The following CNNM4 variants were observed in gnomAD, a reference collection of about 807,000 sequenced individuals.
CNNM4 encodes the protein cyclin and CBS domain divalent metal cation transport mediator 4, also known as metal transporter CNNM4.
A neutral mutation model predicts 53.7 loss-of-function variants in CNNM4; 32 were observed. That is an observed-to-expected ratio of 0.60 (90% CI 0.45 to 0.80). The LOEUF (loss-of-function observed/expected upper bound fraction) is 0.80, where lower values mean the gene tolerates loss of function less well. CNNM4 is among the 30% of genes least tolerant of loss of function. The pLI is 0.00. For missense variants in CNNM4, 784 were observed against 1,022.0 expected, an observed-to-expected ratio of 0.77 and a Z score of 3.17; for synonymous variants, 410 against 440.0, an observed-to-expected ratio of 0.93 and a Z score of 0.85.
intron 5 of CNNM4, among the ~76,000 whole-genome samples, chr2:96,802,448 T>C (rs1375849346): frequency 8.5e-5 from 13 of 152,242 alleles, no homozygotes; most frequent in African/African-American, 2.2e-4. Flanking sequence ...GACTTTCCGA[T>C]TTTCTTCACA....
rs767548232 is a variant in CNNM4 at position 96,809,421 on chromosome 2, C to A, written c.2232C>A (p.Ala744=). The A allele has an allele frequency of 6.2e-7, 1 of 1,614,174 alleles. No homozygotes were observed. ...GCACCACCCACATGGAGAACTTGGC[C>A]GAGAAGTCTGAGCTGCCTGTGGTGG... The part of the protein sequence containing the change: ...DGCTTHMENL[A]EKSELPVVDE... Residue 744 remains alanine, a synonymous_variant, in exon 7 of 7, where the codon GCC becomes GCA. Transcript: ENST00000377075.
In CNNM4 at chr2:96,801,200, T is replaced by A; in HGVS notation, c.1948+1552T>A. 1 of 858,950 alleles carries A rather than the reference T, an allele frequency of 1.2e-6. No homozygotes were observed. Among genetic ancestry groups the A allele is most frequent in the Non-Finnish European group, 1.4e-6 (1 of 714,312 alleles). The allele number at this position is 858,950 out of a possible 1,614,324, so 53.2% of individuals were successfully genotyped here. On this transcript the variant is annotated intron_variant, in intron 5 of 6. Coordinates refer to ENST00000377075, the MANE Select transcript of CNNM4 (RefSeq NM_020184.4). The surrounding 1 kb of genome is among the most constrained non-coding windows in gnomAD (Gnocchi z 5.6). Reference sequence around the variant, plus strand: ...CTGTGCCTGCACACTGCAGCTGCATTAACCTCCCCACATGGACCCGGACCC... The same window carrying A: ...CTGTGCCTGCACACTGCAGCTGCATAAACCTCCCCACATGGACCCGGACCC...
chr2:96,774,990 A>G (rs1574060098), intron 1 of CNNM4, among the ~76,000 whole-genome samples: 2 of 142,996 alleles, frequency 1.4e-5, no homozygotes, highest in South Asian at 2.2e-4. Context: ...AAAAAAAAAA[A>G]AAAAAAAAGC....
At chr2:96,770,802 G>A (rs1558981482) in intron 1 of CNNM4, among the ~76,000 whole-genome samples, 1 of 152,218 alleles carries the variant, frequency 6.6e-6, no homozygotes, top group Non-Finnish European at 1.5e-5. Context: ...TGCACTGAGC[G>A]CTGGCTCCTG....
At chr2:96,779,616 G>T (rs1420387386) in intron 1 of CNNM4, among the ~76,000 whole-genome samples, 1 of 151,304 alleles carries the variant, frequency 6.6e-6, no homozygotes, top group Non-Finnish European at 1.5e-5. Flanking sequence ...TGGACTCTTA[G>T]ATTTAATTGA....
chr2:96,783,921 G>A (rs919604557), intron 1 of CNNM4, among the ~76,000 whole-genome samples: 4 of 152,148 alleles, frequency 2.6e-5, no homozygotes, highest in Non-Finnish European at 5.9e-5. Flanking sequence ...AACAATATAT[G>A]TGATCCAATT....
intron 1 of CNNM4, among the ~76,000 whole-genome samples, chr2:96,768,747 C>T (rs1371431082): frequency 1.3e-5 from 2 of 152,184 alleles, no homozygotes; most frequent in Admixed American, 6.5e-5. Flanking sequence ...TTCTCACACT[C>T]GACTGCCTGG....
At chr2:96,787,194 A>G (rs987430285) in intron 1 of CNNM4, among the ~76,000 whole-genome samples, 12 of 152,218 alleles carry the variant, frequency 7.9e-5, no homozygotes, top group Non-Finnish European at 1.0e-4. Flanking sequence ...GAGAAATGGC[A>G]GAGTCCAAGG....
intron 1 of CNNM4, among the ~76,000 whole-genome samples, chr2:96,793,199 T>C (rs189322055): frequency 1.3e-5 from 2 of 152,142 alleles, no homozygotes; most frequent in Admixed American, 1.3e-4. Flanking sequence ...GAGTCACCGT[T>C]GGTCAGCAGG....
intron 5 of CNNM4, among the ~76,000 whole-genome samples, chr2:96,802,143 C>G (rs902479630): frequency 6.6e-6 from 1 of 151,862 alleles, no homozygotes; most frequent in African/African-American, 2.4e-5. Context: ...ACAGATACCA[C>G]ACACAGACAC....
intron 1 of CNNM4, among the ~76,000 whole-genome samples, chr2:96,774,621 G>T (rs1016672403): frequency 1.3e-5 from 2 of 152,158 alleles, no homozygotes; most frequent in African/African-American, 4.8e-5. Context: ...TAGCAGCCAT[G>T]CTCTGAAGCA....
intron 1 of CNNM4, among the ~76,000 whole-genome samples, chr2:96,796,048 G>A (rs908913090): frequency 4.0e-5 from 6 of 149,164 alleles, no homozygotes; most frequent in Admixed American, 6.7e-5. Context: ...CACAGTGCTC[G>A]GCCTCTCTGT....
At chr2:96,789,199 C>A (rs963812828) in intron 1 of CNNM4, among the ~76,000 whole-genome samples, 11 of 152,078 alleles carry the variant, frequency 7.2e-5, no homozygotes, top group African/African-American at 2.7e-4. Context: ...GCCGGTCAGC[C>A]GATGGCACAG....
chr2:96,804,435 C>T (rs1280076117), intron 5 of CNNM4, among the ~76,000 whole-genome samples: 2 of 145,218 alleles, frequency 1.4e-5, no homozygotes, highest in African/African-American at 5.1e-5. Flanking sequence ...GAGTCTTGAC[C>T]CTGTCGCCCA....
At chr2:96,773,030 A>G (rs2078893608) in intron 1 of CNNM4, among the ~76,000 whole-genome samples, 1 of 152,118 alleles carries the variant, frequency 6.6e-6, no homozygotes, top group Non-Finnish European at 1.5e-5. Context: ...GTTCACACCC[A>G]CCTGCTAACC....
At chr2:96,776,648 C>G (rs753381292) in intron 1 of CNNM4, among the ~76,000 whole-genome samples, 1 of 152,174 alleles carries the variant, frequency 6.6e-6, no homozygotes, top group Non-Finnish European at 1.5e-5. Context: ...GAGTCTCGCT[C>G]TCTCGCCCAG....
At chr2:96,805,874 G>A (rs1454106273) in intron 5 of CNNM4, among the ~76,000 whole-genome samples, 3 of 151,374 alleles carry the variant, frequency 2.0e-5, no homozygotes, top group Non-Finnish European at 4.4e-5. Context: ...GCAACCATCC[G>A]ATTTCTCAAT....
intron 1 of CNNM4, among the ~76,000 whole-genome samples, chr2:96,796,131 CTTTTTTTTTTTTTTTTTT>C (rs796494842): frequency 2.0e-5 from 1 of 50,670 alleles, no homozygotes; most frequent in Admixed American, 2.6e-4. Flanking sequence ...CAGACAGGGT[CTTTTTTTTTTTTTTTTTT>C]TTTTTTTTTT....
chr2:96,776,949 A>G (rs1227294137), intron 1 of CNNM4, among the ~76,000 whole-genome samples: 7 of 150,464 alleles, frequency 4.7e-5, no homozygotes, highest in Non-Finnish European at 8.9e-5. Flanking sequence ...CTAGTGAATT[A>G]TGATATTGAG....
Sources: allele counts gnomAD v4.1 joint callset (sites outside exome capture counted in the v4.1 genomes callset), GRCh38; gene constraint gnomAD v4.1.1; non-coding constraint Gnocchi (gnomAD v3.1); transcripts MANE v1.5; gene names NCBI Gene and HGNC (gene_info 2026-07-23, HGNC 2026-07-21).